Variants in MREG observed in about 807,000 individuals in gnomAD.
MREG encodes dilute suppressor protein homolog.
Under a neutral mutation model 28.5 loss-of-function variants are expected in MREG, and 31 were observed. That is an observed-to-expected ratio of 1.09 (90% CI 0.82 to 1.47). MREG has a LOEUF of 1.47. MREG is among the 40% of genes most tolerant of loss of function. MREG has a pLI of 0.00. For missense variants in MREG, 256 were observed against 257.4 expected, an observed-to-expected ratio of 0.99 and a Z score of 0.04; for synonymous variants, 106 against 95.2, an observed-to-expected ratio of 1.11 and a Z score of -0.66.
chr2:215,968,447 C>A (rs780806658), intron 2 of MREG, among the ~76,000 whole-genome samples: 11 of 152,100 alleles, frequency 7.2e-5, no homozygotes, highest in Non-Finnish European at 1.5e-4. Flanking sequence ...TCTGCCTGGC[C>A]CCACCCAAAG....
intron 1 of MREG, among the ~76,000 whole-genome samples, chr2:216,018,901 C>A (rs182225504): frequency 6.4e-4 from 98 of 152,254 alleles, no homozygotes; most frequent in Non-Finnish European, 1.1e-3. Flanking sequence ...AGGAAATGGA[C>A]ATGTGACCAA....
chr2:215,976,781 G>C (rs906476117), intron 2 of MREG, among the ~76,000 whole-genome samples: 2 of 152,144 alleles, frequency 1.3e-5, no homozygotes, highest in South Asian at 2.1e-4. Context: ...GCCAAACTAA[G>C]CTTCATAAGT....
At chr2:216,001,424 C>T (rs774445841) in intron 1 of MREG, among the ~76,000 whole-genome samples, 2 of 152,136 alleles carry the variant, frequency 1.3e-5, no homozygotes, top group African/African-American at 2.4e-5. Context: ...GCCCCTGGAC[C>T]GGCAATGCCT....
chr2:216,018,299 A>G (rs1279765231), upstream of MREG, among the ~76,000 whole-genome samples: 2 of 152,264 alleles, frequency 1.3e-5, no homozygotes, highest in East Asian at 3.8e-4. Context: ...TGGGAATACA[A>G]TGGTGAACTA....
At chr2:216,021,335 G>T (rs573065854) in intron 1 of MREG, among the ~76,000 whole-genome samples, 1 of 152,168 alleles carries the variant, frequency 6.6e-6, no homozygotes, top group East Asian at 1.9e-4. Flanking sequence ...TTATCCACCC[G>T]CCTCGGCCTC....
Position 215,944,197 on chromosome 2 carries a change from C to T in MREG, c.*666G>A, listed in dbSNP as rs943499452. 1 of 152,030 alleles carries T rather than the reference C, an allele frequency of 6.6e-6. No homozygotes were observed. Among genetic ancestry groups the T allele is most frequent in the Non-Finnish European group, 1.5e-5 (1 of 68,042 alleles). The allele number at this position is 152,030 out of a possible 1,614,324, so 9.4% of individuals were successfully genotyped here. ...GTTTCACCATGTTGGTCAGGCTGGTCTTGAACTCCTGACCTCATGATCCAC... is the reference window on the plus strand; with the variant it reads ...GTTTCACCATGTTGGTCAGGCTGGTTTTGAACTCCTGACCTCATGATCCAC... On this transcript the variant is annotated 3_prime_UTR_variant, in exon 5 of 5. Coordinates refer to ENST00000263268, the MANE Select transcript of MREG (RefSeq NM_018000.3).
At chr2:215,963,117 G>T (rs1012885895) in intron 2 of MREG, among the ~76,000 whole-genome samples, 2 of 152,044 alleles carry the variant, frequency 1.3e-5, no homozygotes, top group African/African-American at 4.8e-5. Context: ...GACAGAGCGA[G>T]ACCCTGTCTC....
chr2:215,965,120 GA>G (rs1341982185), intron 2 of MREG, among the ~76,000 whole-genome samples: 6 of 152,116 alleles, frequency 3.9e-5, no homozygotes, highest in African/African-American at 1.4e-4. Context: ...CTCAAAAATG[GA>G]AAAGTCTAGG....
intron 1 of MREG, among the ~76,000 whole-genome samples, chr2:216,032,052 T>C (rs571441627): frequency 5.3e-5 from 8 of 152,368 alleles, no homozygotes; most frequent in South Asian, 4.1e-4. Flanking sequence ...TAGCCTTTGA[T>C]AGACAGCTTT....
At chr2:215,978,298 T>G (rs1693312907) in intron 2 of MREG, among the ~76,000 whole-genome samples, 1 of 152,152 alleles carries the variant, frequency 6.6e-6, no homozygotes, top group Non-Finnish European at 1.5e-5. Flanking sequence ...ATGAATAAAT[T>G]CCTGGACACA....
At chr2:215,984,084 C>T (rs1166430943) in intron 2 of MREG, among the ~76,000 whole-genome samples, 1 of 152,142 alleles carries the variant, frequency 6.6e-6, no homozygotes, top group Non-Finnish European at 1.5e-5. Flanking sequence ...CTGGGGAAGC[C>T]TCACAATCAT....
intron 1 of MREG, among the ~76,000 whole-genome samples, chr2:216,004,878 C>T (rs561362585): frequency 6.6e-6 from 1 of 152,150 alleles, no homozygotes; most frequent in African/African-American, 2.4e-5. Context: ...AGAGAGTGGT[C>T]AGGGTAGAAT....
chr2:215,978,458 A>T (rs560590872), intron 2 of MREG, among the ~76,000 whole-genome samples: 1 of 152,346 alleles, frequency 6.6e-6, no homozygotes, highest in African/African-American at 2.4e-5. Flanking sequence ...AGAGGTACAA[A>T]GAGGAGCTGG....
intron 2 of MREG, among the ~76,000 whole-genome samples, chr2:215,968,124 T>C (rs1237193106): frequency 6.6e-6 from 1 of 152,150 alleles, no homozygotes; most frequent in South Asian, 2.1e-4. Context: ...TCCCTTCTGT[T>C]AGATGAGAAA....
rs185552638 is a variant in MREG, at chr2:215,977,935, T to C, written c.255+18371A>G. ...TGCCCACAAAAGAAAGCAGGAAAGA[T>C]CTAAAATCGATACCCTAACATCACA... is the stretch of plus-strand genomic sequence containing the variant. On this transcript the variant is annotated intron_variant, in intron 2 of 4. Coordinates refer to ENST00000263268, the MANE Select transcript of MREG (RefSeq NM_018000.3). Among the ~76,000 whole-genome samples the C allele has an allele frequency of 1.8e-4, 28 of 152,158 alleles. No individual in the cohort carries two copies. The South Asian group carries it at 4.8e-3, about 26-fold the overall frequency.
chr2:215,950,124 C>G (rs1315271655), intron 2 of MREG, among the ~76,000 whole-genome samples: 1 of 152,210 alleles, frequency 6.6e-6, no homozygotes, highest in East Asian at 1.9e-4. Flanking sequence ...CTCGTATGTT[C>G]ACACAACTTT....
At chr2:215,945,971 C>A (rs1412015033) in intron 3 of MREG, among the ~76,000 whole-genome samples, 1 of 152,004 alleles carries the variant, frequency 6.6e-6, no homozygotes, top group African/African-American at 2.4e-5. Flanking sequence ...ACTTTTCCCT[C>A]AGAGCCTCAG....
At chr2:216,029,604 T>G (rs921414556) in intron 1 of MREG, among the ~76,000 whole-genome samples, 1 of 152,130 alleles carries the variant, frequency 6.6e-6, no homozygotes, top group East Asian at 1.9e-4. Flanking sequence ...AAACACAAAC[T>G]TGTTATCCCT....
At chr2:216,023,879 G>A (rs1202410368) in intron 1 of MREG, among the ~76,000 whole-genome samples, 1 of 152,140 alleles carries the variant, frequency 6.6e-6, no homozygotes, top group Non-Finnish European at 1.5e-5. Context: ...TGTTGGCCAG[G>A]CTGGTCTCAA....
Sources: allele counts gnomAD v4.1 joint callset (sites outside exome capture counted in the v4.1 genomes callset), GRCh38; gene constraint gnomAD v4.1.1; transcripts MANE v1.5; gene names NCBI Gene and HGNC (gene_info 2026-07-23, HGNC 2026-07-21).